HERC1: variants seen among roughly 807,000 people sequenced by gnomAD.
HERC1 encodes the protein probable E3 ubiquitin-protein ligase HERC1.
Under a neutral mutation model 554.3 loss-of-function variants are expected in HERC1, and 160 were observed. The ratio of observed to expected loss-of-function variants is 0.29; its 90% CI spans 0.25 to 0.33. HERC1 has a LOEUF of 0.33. Among genes scored for constraint, HERC1 ranks in the 10% least tolerant of loss-of-function variants. HERC1 has a pLI of 1.00. For synonymous variants in HERC1, 2,175 were observed against 2,131.7 expected (o/e 1.02, Z -0.56); for missense variants, 4,919 against 5,918.5 (o/e 0.83, Z 5.54).
intron 1 of HERC1, among the ~76,000 whole-genome samples, chr15:63,785,679 T>C (rs1210985349): frequency 6.6e-6 from 1 of 150,426 alleles, no homozygotes; most frequent in Non-Finnish European, 1.5e-5. Flanking sequence ...TGAGGTGGGA[T>C]GATCCCTTGC....
intron 1 of HERC1, among the ~76,000 whole-genome samples, chr15:63,830,759 C>A (rs1029509666): frequency 5.3e-5 from 8 of 152,178 alleles, no homozygotes; most frequent in African/African-American, 1.9e-4. Context: ...AATCCATCAA[C>A]CAATCATCTG....
chr15:63,816,149 A>T (rs563907825), intron 1 of HERC1, among the ~76,000 whole-genome samples: 4 of 152,338 alleles, frequency 2.6e-5, no homozygotes, highest in African/African-American at 9.6e-5. Flanking sequence ...TCAAGATGTT[A>T]TAAGGAGGAA....
intron 1 of HERC1, among the ~76,000 whole-genome samples, chr15:63,784,303 C>T (rs1240585922): frequency 6.6e-6 from 1 of 151,918 alleles, no homozygotes. Context: ...CAGTTCTAGC[C>T]AGAAAGTAGT....
chr15:63,777,540 T>G (rs1333016020), intron 1 of HERC1, among the ~76,000 whole-genome samples: 1 of 152,248 alleles, frequency 6.6e-6, no homozygotes, highest in African/African-American at 2.4e-5. Flanking sequence ...CATCTTATGT[T>G]TGTTGGTCAT....
At chr15:63,681,644 T>A (rs2071486335) in intron 34 of HERC1, among the ~76,000 whole-genome samples, 3 of 152,192 alleles carry the variant, frequency 2.0e-5, no homozygotes, top group Non-Finnish European at 2.9e-5. Context: ...CTAGAACATT[T>A]AAACACACAA....
chr15:63,632,649 C>A, intron 68 of HERC1, 60 bp downstream of exon 68: 1 of 1,112,926 alleles, frequency 9.0e-7, no homozygotes, highest in Non-Finnish European at 1.3e-6. Context: ...TTCTGTAACA[C>A]TGGAAGGCCA....
At chr15:63,639,713 A>T (rs62012837) in intron 61 of HERC1, among the ~76,000 whole-genome samples, 24,346 of 152,286 alleles carry the variant, frequency 0.16, 2,301 homozygotes, top group Middle Eastern at 0.21. Flanking sequence ...TCAAATACAA[A>T]CAGAATGAAA....
intron 1 of HERC1, among the ~76,000 whole-genome samples, chr15:63,788,414 GAT>G (rs1356951942): frequency 6.6e-6 from 1 of 152,148 alleles, no homozygotes; most frequent in Non-Finnish European, 1.5e-5. Flanking sequence ...ATAAAGCCCT[GAT>G]TGTTTTAAGG....
chr15:63,622,734 C>A, intron 74 of HERC1, 81 bp downstream of exon 74: 1 of 1,070,230 alleles, frequency 9.3e-7, no homozygotes, highest in Non-Finnish European at 1.3e-6. Context: ...AAAACAGGAC[C>A]TGGTACATAG....
intron 1 of HERC1, among the ~76,000 whole-genome samples, chr15:63,795,157 G>GT (rs1244925200): frequency 6.8e-6 from 1 of 146,504 alleles, no homozygotes; most frequent in Non-Finnish European, 1.5e-5. Context: ...ATTTTTAAAT[G>GT]TATCAATACA....
chr15:63,747,681 C>T (rs1379518383), intron 11 of HERC1, 43 bp downstream of exon 11: 23 of 1,232,366 alleles, frequency 1.9e-5, no homozygotes, highest in East Asian at 7.7e-5. Context: ...CACACGCGCG[C>T]GCACACACAC....
intron 54 of HERC1, among the ~76,000 whole-genome samples, chr15:63,649,198 C>CATTAA (rs1555409820): frequency 2.0e-5 from 3 of 152,062 alleles, no homozygotes; most frequent in African/African-American, 7.2e-5. Context: ...ACTAAAAATA[C>CATTAA]AAAAATTAGC....
Position 63,727,942 on chromosome 15 carries a change from T to A in HERC1, c.3155-104A>T. ...TAGCTTGGAACTAGAGTAGACTCAT[T>A]CAACAACTCTCTGTTGAACACCTAC... On this transcript the variant is annotated intron_variant, in intron 16 of 77. Transcript: ENST00000443617. This position sits in a 1 kb window ranked among gnomAD's most constrained non-coding sequence, Gnocchi z 4.3. The A allele has an allele frequency of 1.2e-6, 1 of 832,450 alleles. No individual in the cohort carries two copies. The highest frequency in any genetic ancestry group is 1.9e-6 in the Non-Finnish European group (1 of 533,440). The allele number at this position is 832,450 out of a possible 1,614,324, so 51.6% of individuals were successfully genotyped here. A position where few individuals can be genotyped will look rare whatever the true frequency, so the allele number is the denominator to read the frequency against.
Position 63,666,470 on chromosome 15 carries a change from A to G in HERC1, c.8209T>C (p.Leu2737=). 2.5e-6 allele frequency: 4 copies of G among 1,586,270 alleles called. No homozygotes were observed. Among genetic ancestry groups the G allele is most frequent in the Non-Finnish European group, 3.4e-6 (4 of 1,161,654 alleles). Residue 2737 remains leucine, a splice_region_variant and synonymous_variant, in exon 41 of 78, where the codon TTG becomes CTG. Transcript: ENST00000443617. The part of the protein sequence containing the change: ...QSARPANRTA[L]SDPSSRLSTS... ...GAAAGTCTACTGCTTGGGTCTGACA[A>G]GGCTGAGACAAAAGGAAGAGAAATA...
At chr15:63,789,311 C>G (rs933350152) in intron 1 of HERC1, among the ~76,000 whole-genome samples, 7 of 149,938 alleles carry the variant, frequency 4.7e-5, no homozygotes, top group African/African-American at 1.7e-4. Context: ...GGGATGGTCT[C>G]GATCTCCTGA....
intron 34 of HERC1, among the ~76,000 whole-genome samples, chr15:63,681,217 A>G (rs990323149): frequency 1.3e-5 from 2 of 152,002 alleles, no homozygotes; most frequent in Non-Finnish European, 1.5e-5. Flanking sequence ...TTAATTTTCT[A>G]AAGAGATGGG....
intron 48 of HERC1, 48 bp downstream of exon 48, chr15:63,658,496 G>A (rs540058420): frequency 4.6e-6 from 7 of 1,517,062 alleles, no homozygotes; most frequent in East Asian, 4.6e-5. Flanking sequence ...TCCAGCTAAT[G>A]TACACTAGAA....
intron 61 of HERC1, among the ~76,000 whole-genome samples, chr15:63,639,803 T>C (rs537957919): frequency 1.3e-5 from 2 of 152,328 alleles, no homozygotes; most frequent in African/African-American, 4.8e-5. Context: ...TTAGAATCTA[T>C]ATGTGGCATA....
intron 7 of HERC1, among the ~76,000 whole-genome samples, chr15:63,753,593 A>AAACCACACCAG (rs2075320242): frequency 1.3e-5 from 2 of 152,198 alleles, no homozygotes; most frequent in Non-Finnish European, 2.9e-5. Context: ...AATAAAAAAA[A>AAACCACACCAG]GTATAAATTA....
Sources: gnomAD v4.1 joint callset for allele counts (sites outside exome capture counted in the v4.1 genomes callset) on GRCh38, gnomAD v4.1.1 for gene constraint, Gnocchi (gnomAD v3.1) non-coding constraint, MANE v1.5 for transcripts, NCBI Gene and HGNC (gene_info 2026-07-23, HGNC 2026-07-21) for gene names.